Variants in PCDHA1 observed in about 807,000 individuals in gnomAD.
PCDHA1 encodes the protein protocadherin alpha 1.
In PCDHA1, 42 loss-of-function variants were observed where a neutral mutation model predicts 61.3. The observed-to-expected ratio is 0.69, with a 90% CI of 0.54 to 0.89. The LOEUF (loss-of-function observed/expected upper bound fraction) is 0.89. PCDHA1 is among the 40% of genes least tolerant of loss of function. The pLI is 0.00. For synonymous variants in PCDHA1, 610 were observed against 553.8 expected (o/e 1.10, Z -1.43); for missense variants, 1,256 against 1,235.3 (o/e 1.02, Z -0.25).
chr5:140,995,867 G>A (rs1355291744), intron 3 of PCDHA1, among the ~76,000 whole-genome samples: 1 of 152,152 alleles, frequency 6.6e-6, no homozygotes, highest in Non-Finnish European at 1.5e-5. Flanking sequence ...CTTAATAATT[G>A]TGCAACCTGT....
chr5:140,805,611 A>G (rs1763606381), intron 1 of PCDHA1: 8 of 909,630 alleles, frequency 8.8e-6, no homozygotes, highest in Non-Finnish European at 1.1e-5. Flanking sequence ...AAATTTCTTT[A>G]TGTAAGAAAA....
intron 1 of PCDHA1, chr5:140,802,487 G>C: frequency 1.2e-6 from 2 of 1,614,168 alleles, no homozygotes; most frequent in South Asian, 2.2e-5. Context: ...CTCGGGACGG[G>C]GGCTCGCCTT....
At chr5:140,802,011 G>C (rs952664867) in intron 1 of PCDHA1, 3 of 1,614,198 alleles carry the variant, frequency 1.9e-6, no homozygotes, top group Non-Finnish European at 2.5e-6. Context: ...TTTGGATGAA[G>C]GAGTAAATAA....
At chr5:140,916,252 G>A (rs2077495466) in intron 1 of PCDHA1, among the ~76,000 whole-genome samples, 1 of 152,176 alleles carries the variant, frequency 6.6e-6, no homozygotes, top group Admixed American at 6.5e-5. Flanking sequence ...TGGACTTGGG[G>A]ACCCCAAGAG....
intron 3 of PCDHA1, among the ~76,000 whole-genome samples, chr5:141,009,288 C>G (rs373954362): frequency 6.6e-6 from 1 of 152,068 alleles, no homozygotes; most frequent in African/African-American, 2.4e-5. Flanking sequence ...GATCCCATTT[C>G]TATAAAATTT....
rs781833961 is a variant in PCDHA1 at position 140,836,399 on chromosome 5, C to A, written c.2394+47715C>A. 2 of 1,613,764 alleles carry A rather than the reference C, an allele frequency of 1.2e-6. No homozygotes were observed. The highest frequency in any genetic ancestry group is 8.5e-7 in the Non-Finnish European group (1 of 1,179,846). On this transcript the variant is annotated intron_variant, in intron 1 of 3. Coordinates refer to ENST00000504120, the MANE Select transcript of PCDHA1 (RefSeq NM_018900.4). ...CCGTGCTGGTGTCGCTGGTGGAAAG[C>A]GGCCAGGCACCAAAGGCGTCGTCGC...
At chr5:140,900,477 A>G (rs2068076560) in intron 1 of PCDHA1, among the ~76,000 whole-genome samples, 1 of 152,290 alleles carries the variant, frequency 6.6e-6, no homozygotes, top group Non-Finnish European at 1.5e-5. Flanking sequence ...GAGTTTCTCC[A>G]TGTTGGTCAG....
At chr5:140,810,363 T>C (rs1453953987) in intron 1 of PCDHA1, 3 of 152,234 alleles carry the variant, frequency 2.0e-5, no homozygotes, top group Non-Finnish European at 4.4e-5. Context: ...GTTGTGTTTG[T>C]GGGTCACAGA....
chr5:140,928,149 T>G (rs782254175), intron 1 of PCDHA1: 3 of 1,614,194 alleles, frequency 1.9e-6, no homozygotes, highest in Non-Finnish European at 2.5e-6. Context: ...CGGCCTCAGA[T>G]AGTGGCTCAC....
intron 1 of PCDHA1, among the ~76,000 whole-genome samples, chr5:140,907,595 A>C (rs1278261727): frequency 6.6e-6 from 1 of 152,198 alleles, no homozygotes; most frequent in African/African-American, 2.4e-5. Flanking sequence ...GATCACCCTG[A>C]GGAATGGTGC....
At chr5:140,925,082 A>G (rs1362065754) in intron 1 of PCDHA1, among the ~76,000 whole-genome samples, 1 of 147,284 alleles carries the variant, frequency 6.8e-6, no homozygotes, top group African/African-American at 2.6e-5. Context: ...GCTCATCTGG[A>G]AAGGAAGGAA....
chr5:140,948,525 A>G (rs187765359), intron 1 of PCDHA1, among the ~76,000 whole-genome samples: 2 of 151,708 alleles, frequency 1.3e-5, no homozygotes, highest in Admixed American at 1.3e-4. Flanking sequence ...AACACTATTT[A>G]TATTTTATTT....
Position 140,842,658 on chromosome 5 carries a change from C to T in PCDHA1, c.2394+53974C>T. ...ACCGCCAGCTTGTCTGTGGAGGTGG[C>T]CGACGTGAACGACAATGCTCCGGCG... is the stretch of plus-strand genomic sequence containing the variant. On this transcript the variant is annotated intron_variant, in intron 1 of 3. Coordinates refer to ENST00000504120, the MANE Select transcript of PCDHA1 (RefSeq NM_018900.4). 1.9e-6 allele frequency: 3 copies of T among 1,595,322 alleles called. 1 individual carries two copies. The highest frequency in any genetic ancestry group is 8.6e-7 in the Non-Finnish European group (1 of 1,165,500).
In PCDHA1 at chr5:141,011,141, A is replaced by T. The variant is rs1039778930; in HGVS notation, c.*1204A>T. ...ACAATTATGTGCACTTTGATACACA[A>T]CCTTCTCTAACCAACTATATATCAA... is the stretch of plus-strand genomic sequence containing the variant. On this transcript the variant is annotated 3_prime_UTR_variant, in exon 4 of 4. Transcript: ENST00000504120. 2.6e-5 allele frequency: 4 copies of T among 153,668 alleles called. No homozygotes were observed. The highest frequency in any genetic ancestry group is 4.4e-5 in the Non-Finnish European group (3 of 68,036). The allele number at this position is 153,668 out of a possible 1,614,324, so 9.5% of individuals were successfully genotyped here. A position where few individuals can be genotyped will look rare whatever the true frequency, so the allele number is the denominator to read the frequency against.
rs185275722 is a variant in PCDHA1 at position 140,880,200 on chromosome 5, G to A, written c.2394+91516G>A. Among the ~76,000 whole-genome samples the A allele has an allele frequency of 2.9e-3, 441 of 152,242 alleles. 2 individuals are homozygous for A. The highest frequency in any genetic ancestry group is 9.7e-3 in the African/African-American group (402 of 41,548). ...TGAAGGGAAAAAGATAAACAGAAGA[G>A]GTTTTCCACCAGAAGTAGAACATTT... is the stretch of plus-strand genomic sequence containing the variant. On this transcript the variant is annotated intron_variant, in intron 1 of 3. Coordinates refer to ENST00000504120, the MANE Select transcript of PCDHA1 (RefSeq NM_018900.4).
intron 1 of PCDHA1, among the ~76,000 whole-genome samples, chr5:140,957,130 A>G (rs1554222831): frequency 6.6e-6 from 1 of 152,188 alleles, no homozygotes; most frequent in East Asian, 1.9e-4. Context: ...TCTTTACTAC[A>G]CTATGAACTA....
In PCDHA1 at chr5:140,830,061, C is replaced by T. The variant is rs2150180450; in HGVS notation, c.2394+41377C>T. On this transcript the variant is annotated intron_variant, in intron 1 of 3. Coordinates refer to ENST00000504120, the MANE Select transcript of PCDHA1 (RefSeq NM_018900.4). ...GTGCTGGTGAAAGACCACGGTGAGCCGGCGCTGACAGCGACGGCCACGGTT... is the reference window on the plus strand; with the variant it reads ...GTGCTGGTGAAAGACCACGGTGAGCTGGCGCTGACAGCGACGGCCACGGTT... The T allele has an allele frequency of 3.7e-6, 6 of 1,613,604 alleles. No individual in the cohort carries two copies. In the African/African-American group the frequency reaches 5.3e-5, roughly 14 times the overall value.
At chr5:140,809,687 C>A in intron 1 of PCDHA1, 2 of 1,291,002 alleles carry the variant, frequency 1.5e-6, no homozygotes, top group Non-Finnish European at 2.1e-6. Context: ...CCTCTTTTTA[C>A]ATATCCATTT....
chr5:140,900,233 GT>G (rs1261263702), intron 1 of PCDHA1, among the ~76,000 whole-genome samples: 15 of 151,946 alleles, frequency 9.9e-5, no homozygotes, highest in African/African-American at 2.7e-4. Context: ...ACTGGATCTT[GT>G]TTTTTTTATG....
Sources: allele counts gnomAD v4.1 joint callset (sites outside exome capture counted in the v4.1 genomes callset), GRCh38; gene constraint gnomAD v4.1.1; transcripts MANE v1.5; gene names NCBI Gene and HGNC (gene_info 2026-07-23, HGNC 2026-07-21).